ME1: variants seen among roughly 807,000 people sequenced by gnomAD.
ME1 encodes the protein malic enzyme 1, also known as NADP-dependent malic enzyme.
ME1 carries 74 observed loss-of-function variants against 66.4 expected under a neutral mutation model. The observed-to-expected ratio is 1.11, with a 90% CI of 0.92 to 1.35. The LOEUF is 1.35. Ranked by LOEUF, ME1 falls within the 40% of genes most tolerant of loss-of-function variation. ME1 has a pLI of 0.00. For synonymous variants in ME1, 251 were observed against 235.6 expected (o/e 1.07, Z -0.60); for missense variants, 750 against 694.1 (o/e 1.08, Z -0.90).
chr6:83,319,375 C>T (rs1270944266), intron 5 of ME1, among the ~76,000 whole-genome samples: 1 of 151,304 alleles, frequency 6.6e-6, no homozygotes, highest in Admixed American at 6.6e-5. Flanking sequence ...GGAACTGGTC[C>T]CGCATCACTC....
intron 5 of ME1, among the ~76,000 whole-genome samples, chr6:83,321,581 T>C (rs1768176368): frequency 6.6e-6 from 1 of 152,156 alleles, no homozygotes; most frequent in African/African-American, 2.4e-5. Flanking sequence ...AAAGCCACTA[T>C]AGCCAAACTG....
At chr6:83,328,472 C>T (rs900464519) in intron 5 of ME1, among the ~76,000 whole-genome samples, 2 of 152,064 alleles carry the variant, frequency 1.3e-5, no homozygotes, top group Non-Finnish European at 2.9e-5. Flanking sequence ...TAAAAAAATT[C>T]TTCCAATCAT....
intron 6 of ME1, among the ~76,000 whole-genome samples, chr6:83,314,139 A>G (rs896872053): frequency 6.6e-6 from 1 of 152,110 alleles, no homozygotes; most frequent in African/African-American, 2.4e-5. Context: ...AGTGTGATAA[A>G]ATTCTCTTAG....
At chr6:83,357,931 CTCTCTATATATA>C (rs1241314057) in intron 3 of ME1, among the ~76,000 whole-genome samples, 29 of 51,752 alleles carry the variant, frequency 5.6e-4, no homozygotes, top group Admixed American at 1.2e-3. Context: ...CTCTCTCTCT[CTCTCTATATATA>C]TATATATATA....
intron 8 of ME1, 94 bp downstream of exon 8, chr6:83,239,445 A>G: frequency 2.4e-6 from 2 of 842,236 alleles, no homozygotes; most frequent in South Asian, 1.8e-5. Context: ...TATACTAAAA[A>G]TTTGAAAGAA....
At chr6:83,236,741 T>C (rs1369453405) in intron 9 of ME1, among the ~76,000 whole-genome samples, 2 of 152,192 alleles carry the variant, frequency 1.3e-5, no homozygotes. Flanking sequence ...GGAATTCCCA[T>C]TCAAACCCTT....
intron 8 of ME1, among the ~76,000 whole-genome samples, chr6:83,238,914 A>T (rs1438192528): frequency 6.6e-6 from 1 of 151,042 alleles, no homozygotes; most frequent in African/African-American, 2.4e-5. Flanking sequence ...TAACATTTTA[A>T]TTTCTAGTTT....
intron 9 of ME1, among the ~76,000 whole-genome samples, chr6:83,234,079 TCA>T (rs904030244): frequency 6.6e-6 from 1 of 152,146 alleles, no homozygotes; most frequent in African/African-American, 2.4e-5. Flanking sequence ...GCCAACTACT[TCA>T]CAGTTATTCC....
intron 5 of ME1, among the ~76,000 whole-genome samples, chr6:83,322,718 T>C (rs941277274): frequency 6.6e-6 from 1 of 152,196 alleles, no homozygotes; most frequent in South Asian, 2.1e-4. Context: ...TGGAACCAAG[T>C]TGGAAAACAC....
intron 3 of ME1, among the ~76,000 whole-genome samples, chr6:83,355,519 C>T (rs1380587473): frequency 6.6e-6 from 1 of 152,080 alleles, no homozygotes; most frequent in South Asian, 2.1e-4. Flanking sequence ...ATTTGGCCAC[C>T]TGTAATCTCT....
chr6:83,227,515 A>G (rs1446023150), intron 10 of ME1, 38 bp from the exon 11 acceptor site: 1 of 1,511,486 alleles, frequency 6.6e-7, no homozygotes, highest in Admixed American at 1.8e-5. Flanking sequence ...TAACACTATC[A>G]TTGGTTAATT....
At chr6:83,356,610 A>G (rs1383054804) in intron 3 of ME1, among the ~76,000 whole-genome samples, 2 of 152,174 alleles carry the variant, frequency 1.3e-5, no homozygotes, top group African/African-American at 2.4e-5. Flanking sequence ...GAAGAAAATG[A>G]TCTAACAGGT....
intron 13 of ME1, among the ~76,000 whole-genome samples, 161 bp from the exon 14 acceptor site, chr6:83,212,255 A>G (rs1420374482): frequency 6.6e-6 from 1 of 152,228 alleles, no homozygotes; most frequent in Non-Finnish European, 1.5e-5. Context: ...AAGATATAAA[A>G]TGAAAATGCA....
At chr6:83,348,984 CAA>C (rs71545855) in intron 4 of ME1, among the ~76,000 whole-genome samples, 2 of 47,176 alleles carry the variant, frequency 4.2e-5, no homozygotes, top group Non-Finnish European at 4.2e-5. Context: ...AACTCTGTCT[CAA>C]AAAAAAAAAA....
chr6:83,224,424 T>C (rs1461607008), intron 11 of ME1, among the ~76,000 whole-genome samples: 1 of 152,120 alleles, frequency 6.6e-6, no homozygotes, highest in East Asian at 1.9e-4. Context: ...GGCTCATGCC[T>C]GCAATCCCAG....
At position 83,290,969 on chromosome 6, in the gene ME1, T is replaced by A. The variant is rs575652238; in HGVS notation, c.704+24341A>T. Among the ~76,000 whole-genome samples the A allele has an allele frequency of 4.6e-5, 7 of 152,312 alleles. No individual in the cohort carries two copies. The South Asian group carries it at 1.4e-3, about 32-fold the overall frequency. On this transcript the variant is annotated intron_variant, in intron 6 of 13. Coordinates refer to ENST00000369705, the MANE Select transcript of ME1 (RefSeq NM_002395.6). Reference sequence around the variant, plus strand: ...GCTTTTTTTTTGCTTTGCATTTGCTTGATAGATCTTCCTCCATTCCTTTAT... The same window carrying A: ...GCTTTTTTTTTGCTTTGCATTTGCTAGATAGATCTTCCTCCATTCCTTTAT...
At chr6:83,244,094 A>G (rs1289820792) in intron 7 of ME1, among the ~76,000 whole-genome samples, 1 of 151,656 alleles carries the variant, frequency 6.6e-6, no homozygotes, top group African/African-American at 2.4e-5. Flanking sequence ...TTACATACTC[A>G]ATACGGAGAC....
chr6:83,429,475 T>C (rs953402079), intron 1 of ME1, among the ~76,000 whole-genome samples: 7 of 152,264 alleles, frequency 4.6e-5, no homozygotes, highest in African/African-American at 1.7e-4. Context: ...AGGTGACACA[T>C]ACAAGTCACA....
At chr6:83,238,229 A>T (rs1252268641) in intron 8 of ME1, among the ~76,000 whole-genome samples, 1 of 152,206 alleles carries the variant, frequency 6.6e-6, no homozygotes, top group Non-Finnish European at 1.5e-5. Flanking sequence ...CAATTAGGCA[A>T]CAGAATGAAA....
Sources: allele counts gnomAD v4.1 joint callset (sites outside exome capture counted in the v4.1 genomes callset), GRCh38; gene constraint gnomAD v4.1.1; transcripts MANE v1.5; gene names NCBI Gene and HGNC (gene_info 2026-07-23, HGNC 2026-07-21).